Variants in KCNH8 observed in about 807,000 individuals in gnomAD.
KCNH8 encodes the protein voltage-gated delayed rectifier potassium channel KCNH8.
In KCNH8, 70 loss-of-function variants were observed where a neutral mutation model predicts 103.6. The ratio of observed to expected loss-of-function variants is 0.68; its 90% CI spans 0.56 to 0.82. The LOEUF (loss-of-function observed/expected upper bound fraction) is 0.82. KCNH8 is among the 40% of genes least tolerant of loss of function. The pLI, the probability that KCNH8 is intolerant of heterozygous loss-of-function variation, is 0.00. For synonymous variants in KCNH8, 498 were observed against 489.4 expected, an observed-to-expected ratio of 1.02 and a Z score of -0.23; for missense variants, 1,217 against 1,329.9, an observed-to-expected ratio of 0.92 and a Z score of 1.32.
intron 1 of KCNH8, among the ~76,000 whole-genome samples, chr3:19,171,239 C>T (rs1000865416): frequency 1.3e-5 from 2 of 151,924 alleles, no homozygotes; most frequent in Admixed American, 6.6e-5. Context: ...AATTTCTTTT[C>T]CGGAACAATT....
chr3:19,440,206 A>T (rs908942357), intron 8 of KCNH8, among the ~76,000 whole-genome samples: 2 of 152,192 alleles, frequency 1.3e-5, no homozygotes, highest in Non-Finnish European at 1.5e-5. Flanking sequence ...TTTTAAAAAA[A>T]TTTTGATAAC....
chr3:19,227,942 C>T (rs1344274051), intron 1 of KCNH8, among the ~76,000 whole-genome samples: 1 of 152,142 alleles, frequency 6.6e-6, no homozygotes, highest in Non-Finnish European at 1.5e-5. Context: ...ATGTTATGCA[C>T]TTTCATGTAT....
Position 19,515,333 on chromosome 3 carries a change from G to C in KCNH8, c.2447G>C (p.Gly816Ala). The change falls in exon 14 of 16, where the codon GGA becomes GCA. Residue 816 changes from glycine (G) to alanine (A), a missense_variant. Transcript: ENST00000328405. ...TTTATTTTAAGTAGGATTGTTGATG[G>C]AATTGAAGATGGAAACAGCAGTGAA... The part of the protein sequence containing the change: ...PPDLSPRIVD[G>A]IEDGNSSEES... 1.3e-6 allele frequency: 2 copies of C among 1,589,424 alleles called. No individual in the cohort carries two copies. The highest frequency in any genetic ancestry group is 1.7e-6 in the Non-Finnish European group (2 of 1,165,240).
intron 3 of KCNH8, among the ~76,000 whole-genome samples, chr3:19,322,854 A>G (rs2065367944): frequency 6.6e-6 from 1 of 152,122 alleles, no homozygotes; most frequent in African/African-American, 2.4e-5. Flanking sequence ...TTTTGACATA[A>G]TCCCAAACTT....
chr3:19,424,193 C>A (rs540826486), intron 7 of KCNH8, among the ~76,000 whole-genome samples: 3 of 152,060 alleles, frequency 2.0e-5, no homozygotes, highest in Non-Finnish European at 4.4e-5. Flanking sequence ...TATCACATTA[C>A]CTGATATACT....
chr3:19,218,025 T>G (rs189713370), intron 1 of KCNH8, among the ~76,000 whole-genome samples: 15 of 152,312 alleles, frequency 9.8e-5, no homozygotes, highest in Admixed American at 9.2e-4. Context: ...TGACTTAAAC[T>G]GTTTTCTCAA....
intron 1 of KCNH8, among the ~76,000 whole-genome samples, chr3:19,178,189 T>C (rs547382288): frequency 6.6e-6 from 1 of 152,000 alleles, no homozygotes; most frequent in Non-Finnish European, 1.5e-5. Context: ...AAAAAAAAAA[T>C]TACTTATTTG....
intron 3 of KCNH8, among the ~76,000 whole-genome samples, chr3:19,335,247 A>G (rs1285757740): frequency 6.6e-6 from 1 of 151,654 alleles, no homozygotes; most frequent in Admixed American, 6.6e-5. Flanking sequence ...TGAGATGGTC[A>G]TGTGTTTTAT....
intron 7 of KCNH8, among the ~76,000 whole-genome samples, chr3:19,429,460 C>T (rs1278911647): frequency 6.6e-6 from 1 of 152,174 alleles, no homozygotes; most frequent in Non-Finnish European, 1.5e-5. Flanking sequence ...AGGCGTGAGC[C>T]ACCGCGCCCG....
At chr3:19,464,346 A>G (rs1441940002) in intron 11 of KCNH8, among the ~76,000 whole-genome samples, 1 of 152,124 alleles carries the variant, frequency 6.6e-6, no homozygotes, top group East Asian at 1.9e-4. Context: ...AAGAAAATAA[A>G]CCGTGGCCTA....
intron 3 of KCNH8, among the ~76,000 whole-genome samples, chr3:19,330,099 C>T (rs1295777255): frequency 2.0e-5 from 3 of 151,890 alleles, no homozygotes; most frequent in African/African-American, 4.8e-5. Context: ...TTTTGTCTCC[C>T]GCAGCATCCA....
chr3:19,299,918 C>G lies in KCNH8; in HGVS notation c.442+18589C>G, dbSNP rs555001538. On this transcript the variant is annotated intron_variant, in intron 3 of 15. Transcript: ENST00000328405. Reference sequence around the variant, plus strand: ...AGTGCATGAATATTATTAAAATGATCTAAATAAAATAAAGGAGTGATTTGG... The same window carrying G: ...AGTGCATGAATATTATTAAAATGATGTAAATAAAATAAAGGAGTGATTTGG... 2.2e-3 allele frequency among the ~76,000 whole-genome samples: 333 copies of G among 151,682 alleles called. 1 individual carries two copies. Among genetic ancestry groups the G allele is most frequent in the Non-Finnish European group, 4.3e-3 (295 of 67,902 alleles).
chr3:19,296,781 A>G (rs1392339323), intron 3 of KCNH8, among the ~76,000 whole-genome samples: 1 of 152,116 alleles, frequency 6.6e-6, no homozygotes, highest in Non-Finnish European at 1.5e-5. Flanking sequence ...AAAATCTCAC[A>G]AATTGCCGCT....
intron 5 of KCNH8, among the ~76,000 whole-genome samples, chr3:19,367,146 G>C (rs2066023090): frequency 6.6e-6 from 1 of 151,784 alleles, no homozygotes; most frequent in Non-Finnish European, 1.5e-5. Context: ...CTCGTTTCAT[G>C]ATCTTTGCAC....
At chr3:19,404,685 A>G (rs1470156744) in intron 7 of KCNH8, among the ~76,000 whole-genome samples, 1 of 151,922 alleles carries the variant, frequency 6.6e-6, no homozygotes, top group Non-Finnish European at 1.5e-5. Flanking sequence ...GAACATTCAA[A>G]GAATAAAATG....
intron 5 of KCNH8, among the ~76,000 whole-genome samples, chr3:19,388,691 A>C (rs1485826901): frequency 6.6e-6 from 1 of 152,138 alleles, no homozygotes; most frequent in Non-Finnish European, 1.5e-5. Context: ...ATAGACTAGA[A>C]CAACAATTGT....
chr3:19,269,682 A>G (rs1456217128), intron 2 of KCNH8, among the ~76,000 whole-genome samples: 2 of 152,092 alleles, frequency 1.3e-5, no homozygotes, highest in African/African-American at 4.8e-5. Context: ...CATGATTTAC[A>G]TATCTTTCGC....
At chr3:19,511,135 C>A (rs1480277160) in intron 12 of KCNH8, among the ~76,000 whole-genome samples, 2 of 151,828 alleles carry the variant, frequency 1.3e-5, no homozygotes, top group Non-Finnish European at 2.9e-5. Flanking sequence ...CTAATGTTAT[C>A]CCTCCCCTAG....
intron 5 of KCNH8, among the ~76,000 whole-genome samples, chr3:19,351,098 C>T (rs545614575): frequency 5.9e-5 from 9 of 152,140 alleles, no homozygotes; most frequent in East Asian, 1.9e-4. Context: ...GCACAAGCTT[C>T]AGTAGCCAAT....
Sources: allele counts gnomAD v4.1 joint callset (sites outside exome capture counted in the v4.1 genomes callset), GRCh38; gene constraint gnomAD v4.1.1; transcripts MANE v1.5; gene names NCBI Gene and HGNC (gene_info 2026-07-23, HGNC 2026-07-21).